Variants in PRKN observed in about 807,000 individuals in gnomAD.
PRKN encodes parkin RBR E3 ubiquitin protein ligase, also known as E3 ubiquitin-protein ligase parkin.
Under a neutral mutation model 59.5 loss-of-function variants are expected in PRKN, and 56 were observed. The observed-to-expected ratio is 0.94, with a 90% CI of 0.76 to 1.18. The LOEUF is 1.18. PRKN is among the 50% of genes most tolerant of loss of function. The probability of loss-of-function intolerance (pLI) is 0.00; values close to 1 mark genes in which losing one functional copy is unlikely to be tolerated. For synonymous variants in PRKN, 250 were observed against 222.1 expected, an observed-to-expected ratio of 1.13 and a Z score of -1.12; for missense variants, 657 against 596.4, an observed-to-expected ratio of 1.10 and a Z score of -1.06.
chr6:161,906,966 C>T (rs1286637621), intron 6 of PRKN, among the ~76,000 whole-genome samples: 1 of 151,918 alleles, frequency 6.6e-6, no homozygotes, highest in Non-Finnish European at 1.5e-5. Flanking sequence ...TAGATGGTGC[C>T]CACCCAGATT....
chr6:161,675,429 G>A (rs1320756913), intron 7 of PRKN, among the ~76,000 whole-genome samples: 1 of 152,132 alleles, frequency 6.6e-6, no homozygotes, highest in Non-Finnish European at 1.5e-5. Flanking sequence ...CCTTTATAAT[G>A]ATAATAAAAT....
intron 7 of PRKN, among the ~76,000 whole-genome samples, chr6:161,637,386 C>A (rs1322662914): frequency 2.1e-5 from 3 of 146,040 alleles, no homozygotes; most frequent in Admixed American, 6.8e-5. Context: ...CTGTCAAGAA[C>A]AAAATTGTGT....
At chr6:162,634,623 G>C (rs1777639190) in intron 1 of PRKN, among the ~76,000 whole-genome samples, 1 of 152,204 alleles carries the variant, frequency 6.6e-6, no homozygotes. Context: ...GACATTTGCT[G>C]TTGTTGCTGT....
At chr6:162,672,065 G>C (rs1216596016) in intron 1 of PRKN, among the ~76,000 whole-genome samples, 1 of 152,096 alleles carries the variant, frequency 6.6e-6, no homozygotes, top group African/African-American at 2.4e-5. Flanking sequence ...AAATCAGGCA[G>C]AAGGACTTGA....
At chr6:161,852,840 T>C (rs1793494652) in intron 6 of PRKN, among the ~76,000 whole-genome samples, 1 of 151,998 alleles carries the variant, frequency 6.6e-6, no homozygotes, top group African/African-American at 2.4e-5. Context: ...ACAGTTTTGG[T>C]TGGGAGTCAA....
intron 6 of PRKN, among the ~76,000 whole-genome samples, chr6:161,831,959 C>T (rs1792516027): frequency 6.6e-6 from 1 of 152,198 alleles, no homozygotes; most frequent in South Asian, 2.1e-4. Context: ...GGGACTCCCT[C>T]AGGAAGGCCC....
intron 2 of PRKN, among the ~76,000 whole-genome samples, chr6:162,337,729 C>G (rs1701544715): frequency 6.6e-6 from 1 of 152,012 alleles, no homozygotes; most frequent in South Asian, 2.1e-4. Context: ...ATAACAGAAG[C>G]TAATCACTCG....
chr6:162,318,198 G>A (rs563314732), intron 2 of PRKN, among the ~76,000 whole-genome samples: 2 of 152,024 alleles, frequency 1.3e-5, no homozygotes, highest in East Asian at 2.0e-4. Context: ...ATTTCACTTC[G>A]AATATTTTCC....
chr6:161,609,223 T>G (rs913784887), intron 7 of PRKN, among the ~76,000 whole-genome samples: 3 of 152,236 alleles, frequency 2.0e-5, no homozygotes, highest in African/African-American at 7.2e-5. Flanking sequence ...TCTTAATCTA[T>G]TTTACTTTTA....
chr6:161,614,478 G>A (rs1263895163), intron 7 of PRKN, among the ~76,000 whole-genome samples: 2 of 152,164 alleles, frequency 1.3e-5, no homozygotes, highest in African/African-American at 4.8e-5. Context: ...GCATTAGTAA[G>A]CACATGTGCA....
intron 6 of PRKN, among the ~76,000 whole-genome samples, chr6:161,942,913 G>C (rs73783651): frequency 6.6e-6 from 1 of 152,294 alleles, no homozygotes; most frequent in African/African-American, 2.4e-5. Flanking sequence ...ATTTAAAATA[G>C]ACATTTGCAA....
At chr6:162,143,088 C>T (rs1022451076) in intron 4 of PRKN, among the ~76,000 whole-genome samples, 2 of 152,172 alleles carry the variant, frequency 1.3e-5, no homozygotes, top group East Asian at 3.9e-4. Context: ...TTACTGAACA[C>T]CTTGGCAGAG....
rs1047978194 is a variant in PRKN, at chr6:162,446,801, T to C, written c.8-3328A>G. Among the ~76,000 whole-genome samples, 28 of 152,276 alleles carry C rather than the reference T, an allele frequency of 1.8e-4. 1 individual carries two copies. Among genetic ancestry groups the C allele is most frequent in the Admixed American group, 1.4e-3 (21 of 15,284 alleles). On this transcript the variant is annotated intron_variant, in intron 1 of 11. Coordinates refer to ENST00000366898, the MANE Select transcript of PRKN (RefSeq NM_004562.3). ...TGGGTCTCAACCTTTTTCTGACATA[T>C]GTGGGAAACATGTCATGTCCCATCT...
intron 4 of PRKN, among the ~76,000 whole-genome samples, chr6:162,113,142 C>T (rs943613934): frequency 2.0e-5 from 3 of 152,260 alleles, no homozygotes; most frequent in Non-Finnish European, 2.9e-5. Flanking sequence ...AGAAGCTGTG[C>T]CTCATGTAAC....
At chr6:162,378,629 T>C (rs868303864) in intron 2 of PRKN, among the ~76,000 whole-genome samples, 8 of 152,272 alleles carry the variant, frequency 5.3e-5, no homozygotes, top group Non-Finnish European at 1.0e-4. Flanking sequence ...CAAGTGCCTA[T>C]GCACAGAATT....
Position 161,458,471 on chromosome 6 carries a change from G to A in PRKN, c.1084-71594C>T, listed in dbSNP as rs879935475. ...TCTGTCTACCTCCTGCCGGCTGCCT[G>A]TCTCCTAAAATGTCTGCATGCTGTT... On this transcript the variant is annotated intron_variant, in intron 9 of 11. Transcript: ENST00000366898. The surrounding 1 kb of genome is among the most constrained non-coding windows in gnomAD (Gnocchi z 6.1). Among the ~76,000 whole-genome samples, 4 of 152,138 alleles carry A rather than the reference G, an allele frequency of 2.6e-5. No individual in the cohort carries two copies. The highest frequency in any genetic ancestry group is 7.2e-5 in the African/African-American group (3 of 41,426).
chr6:162,260,114 G>A (rs1484376852), intron 3 of PRKN, among the ~76,000 whole-genome samples: 1 of 152,178 alleles, frequency 6.6e-6, no homozygotes, highest in Non-Finnish European at 1.5e-5. Flanking sequence ...CCCCCAGTGT[G>A]TAGTGGTGCA....
intron 5 of PRKN, among the ~76,000 whole-genome samples, chr6:162,001,116 A>G (rs1349699478): frequency 6.6e-6 from 1 of 152,016 alleles, no homozygotes; most frequent in Non-Finnish European, 1.5e-5. Flanking sequence ...CAATACTGCA[A>G]TGGCTAGTCT....
At position 162,638,371 on chromosome 6, in the gene PRKN, T is replaced by C. The variant is rs74946694; in HGVS notation, c.7+89291A>G. Among the ~76,000 whole-genome samples, 13 of 152,306 alleles carry C rather than the reference T, an allele frequency of 8.5e-5. No individual in the cohort carries two copies. The East Asian group carries it at 1.9e-3, about 23-fold the overall frequency. ...GTAAAGGAGCCGGTTTGAAAGCTTATCACCATTAATTCTGTGACTTTCCAA... is the reference window on the plus strand; with the variant it reads ...GTAAAGGAGCCGGTTTGAAAGCTTACCACCATTAATTCTGTGACTTTCCAA... On this transcript the variant is annotated intron_variant, in intron 1 of 11. Transcript: ENST00000366898.
Sources: gnomAD v4.1 joint callset for allele counts (sites outside exome capture counted in the v4.1 genomes callset) on GRCh38, gnomAD v4.1.1 for gene constraint, Gnocchi (gnomAD v3.1) non-coding constraint, MANE v1.5 for transcripts, NCBI Gene and HGNC (gene_info 2026-07-23, HGNC 2026-07-21) for gene names.